The following PAK3 variants were observed in gnomAD, a reference collection of about 807,000 sequenced individuals.
PAK3 encodes p21 (RAC1) activated kinase 3, also known as serine/threonine-protein kinase PAK 3.
Under a neutral mutation model 41.0 loss-of-function variants are expected in PAK3, and 4 were observed. The ratio of observed to expected loss-of-function variants is 0.10; its 90% confidence interval spans 0.05 to 0.22. The LOEUF (loss-of-function observed/expected upper bound fraction) is 0.22. Among genes scored for constraint, PAK3 ranks in the 10% least tolerant of loss-of-function variants. The pLI, the probability that PAK3 is intolerant of heterozygous loss-of-function variation, is 1.00. For synonymous variants in PAK3, 146 were observed against 139.6 expected, an observed-to-expected ratio of 1.05 and a Z score of -0.32; for missense variants, 205 against 409.9, an observed-to-expected ratio of 0.50 and a Z score of 4.32.
At chrX:111,094,143 A>G (rs2092950439), upstream of PAK3, among the ~76,000 whole-genome samples, 1 of 110,750 alleles carries the variant, frequency 9.0e-6, no homozygotes, top group Admixed American at 9.6e-5. Context: ...AGTCAGAACC[A>G]TCCTGATTCC....
At chrX:111,140,744 C>T (rs1335825738) in intron 5 of PAK3, among the ~76,000 whole-genome samples, 1 of 111,653 alleles carries the variant, frequency 9.0e-6, no homozygotes, top group East Asian at 2.8e-4. Context: ...CTTTCCTGAT[C>T]CTGTATAGTT....
chrX:111,190,158 G>A (rs2094548455), intron 11 of PAK3, among the ~76,000 whole-genome samples: 1 of 111,147 alleles, frequency 9.0e-6, no homozygotes, highest in South Asian at 3.8e-4. Context: ...TATTGATTAA[G>A]TGTGATTTTT....
chrX:111,172,072 T>C (rs1348317124), intron 10 of PAK3, among the ~76,000 whole-genome samples: 2 of 111,789 alleles, frequency 1.8e-5, no homozygotes, highest in Non-Finnish European at 1.9e-5. Flanking sequence ...TCCAGCAGAA[T>C]TGGATATAGC....
chrX:111,052,408 T>G (rs2092566644), intron 1 of PAK3, among the ~76,000 whole-genome samples: 1 of 112,644 alleles, frequency 8.9e-6, no homozygotes, highest in South Asian at 3.6e-4. Flanking sequence ...AGTCAAAATT[T>G]CATCCTTTAG....
chrX:111,161,950 A>G (rs2094195813), intron 8 of PAK3, among the ~76,000 whole-genome samples: 1 of 111,673 alleles, frequency 9.0e-6, no homozygotes. Flanking sequence ...TGCCATGTTA[A>G]ACAGTGCAGA....
chrX:111,066,840 A>G (rs959113953), intron 1 of PAK3, among the ~76,000 whole-genome samples: 2 of 112,521 alleles, frequency 1.8e-5, no homozygotes, highest in African/African-American at 3.2e-5. Flanking sequence ...TAACTTGTCT[A>G]TACAACATAT....
chrX:111,071,214 GT>G (rs758186694), intron 1 of PAK3, among the ~76,000 whole-genome samples: 12 of 111,834 alleles, frequency 1.1e-4, no homozygotes, highest in Non-Finnish European at 2.1e-4. Flanking sequence ...TGCTAAAACT[GT>G]TTTGGGAATT....
chrX:111,124,383 G>A (rs771261824), intron 5 of PAK3, among the ~76,000 whole-genome samples: 1 of 112,182 alleles, frequency 8.9e-6, no homozygotes, highest in African/African-American at 3.2e-5. Context: ...ACACTGAAAT[G>A]AATCCAGAAA....
At chrX:110,970,033 G>T (rs2148629752) in intron 1 of PAK3, among the ~76,000 whole-genome samples, 1 of 112,003 alleles carries the variant, frequency 8.9e-6, no homozygotes, top group African/African-American at 3.2e-5. Context: ...GTCCTGTATA[G>T]ATTTTGTTAC....
chrX:111,053,937 CACTGAG>C (rs2092582732), intron 1 of PAK3, among the ~76,000 whole-genome samples: 1 of 112,605 alleles, frequency 8.9e-6, no homozygotes, highest in Non-Finnish European at 1.9e-5. Flanking sequence ...CTGTGATACA[CACTGAG>C]ACAAGTCTGC....
intron 5 of PAK3, among the ~76,000 whole-genome samples, chrX:111,125,015 C>T (rs753030476): frequency 8.9e-6 from 1 of 112,007 alleles, no homozygotes; most frequent in South Asian, 3.8e-4. Context: ...GCCTTTCAGT[C>T]AGTGTTTGAT....
Position 110,991,065 on chromosome X carries a change from G to T in PAK3, c.-28+46437G>T, listed in dbSNP as rs779271621. Reference sequence around the variant, plus strand: ...GATCGCTTGAACCCTGGAGGCAGAGGTTACAGTGAGCCACTGAGATTGCAC... The same window carrying T: ...GATCGCTTGAACCCTGGAGGCAGAGTTTACAGTGAGCCACTGAGATTGCAC... On this transcript the variant is annotated intron_variant, in intron 1 of 14. Transcript: ENST00000425146. 3.7e-5 allele frequency among the ~76,000 whole-genome samples: 4 copies of T among 109,222 alleles called. No homozygotes were observed. The South Asian group carries it at 1.6e-3, about 44-fold the overall frequency. 94.8% of individuals were successfully genotyped at this position (109,222 alleles called of 115,157 possible).
Position 111,220,945 on chromosome X carries a change from C to CAAAAAAAAAAAAAAAAAAACAAAAA in PAK3, c.*515_*516insAACAAAAAAAAAAAAAAAAAAAAAA. On this transcript the variant is annotated 3_prime_UTR_variant, in exon 18 of 18. Coordinates refer to ENST00000372007, the MANE Select transcript of PAK3 (RefSeq NM_002578.5). ...AAAAAAGAAAGCAAAAAAAGCAAGG[C>CAAAAAAAAAAAAAAAAAAACAAAAA]AAAAAAAAAAAAAAAAACAAACAAA... The CAAAAAAAAAAAAAAAAAAACAAAAA allele has an allele frequency of 2.0e-5, 1 of 49,447 alleles. No homozygotes were observed. The highest frequency in any genetic ancestry group is 3.5e-5 in the Non-Finnish European group (1 of 28,196). 4.1% of individuals were successfully genotyped at this position (49,447 alleles called of 1,213,427 possible).
intron 5 of PAK3, among the ~76,000 whole-genome samples, chrX:111,140,998 C>T (rs1229213393): frequency 2.7e-5 from 3 of 111,876 alleles, no homozygotes; most frequent in African/African-American, 6.5e-5. Context: ...CTAAATTGAC[C>T]GCCCTGGCAA....
rs1047943971 is a variant in PAK3 at position 111,014,471 on chromosome X, C to A, written c.-28+69843C>A. On this transcript the variant is annotated intron_variant, in intron 1 of 14. Transcript: ENST00000425146. Reference sequence around the variant, plus strand: ...AAGTAGGGAAGCTCTGGGCCCCTTGCTCCTGGCAGAACCCTTGGTCCTCAG... The same window carrying A: ...AAGTAGGGAAGCTCTGGGCCCCTTGATCCTGGCAGAACCCTTGGTCCTCAG... Among the ~76,000 whole-genome samples, 7 of 111,741 alleles carry A rather than the reference C, an allele frequency of 6.3e-5. No individual in the cohort carries two copies. The South Asian group carries it at 2.7e-3, about 42-fold the overall frequency.
chrX:110,956,311 A>G (rs2090856392), intron 1 of PAK3, among the ~76,000 whole-genome samples: 1 of 111,312 alleles, frequency 9.0e-6, no homozygotes, highest in African/African-American at 3.3e-5. Context: ...TTCTCAGTAC[A>G]CCACCTGGTA....
Position 111,070,090 on chromosome X carries a change from T to C in PAK3, c.-27-52987T>C, listed in dbSNP as rs60238653. On this transcript the variant is annotated intron_variant, in intron 1 of 14. Coordinates refer to the PAK3 transcript ENST00000425146. ...CACTAAAAAATGATTTTCCATTATA[T>C]GGGTACAAGGTAATCCTGAGACAAA... Among the ~76,000 whole-genome samples, 62 of 111,431 alleles carry C rather than the reference T, an allele frequency of 5.6e-4. 1 individual carries two copies. Among genetic ancestry groups the C allele is most frequent in the Non-Finnish European group, 1.0e-3 (55 of 53,132 alleles).
At chrX:111,134,225 A>G (rs1304271984) in intron 5 of PAK3, among the ~76,000 whole-genome samples, 1 of 111,925 alleles carries the variant, frequency 8.9e-6, no homozygotes, top group Non-Finnish European at 1.9e-5. Flanking sequence ...TTTGGCCCCA[A>G]AGTGGTACCT....
chrX:111,047,163 G>A (rs773392631), intron 1 of PAK3, among the ~76,000 whole-genome samples: 1 of 112,244 alleles, frequency 8.9e-6, no homozygotes, highest in Non-Finnish European at 1.9e-5. Flanking sequence ...AAGCTGCAGA[G>A]TTATAGCATC....
Sources: gnomAD v4.1 joint callset for allele counts (sites outside exome capture counted in the v4.1 genomes callset) on GRCh38, gnomAD v4.1.1 for gene constraint, MANE v1.5 for transcripts, NCBI Gene and HGNC (gene_info 2026-07-23, HGNC 2026-07-21) for gene names.